MED13L: variants seen among roughly 807,000 people sequenced by gnomAD.
The protein encoded by MED13L is mediator complex subunit 13L.
A neutral mutation model predicts 220.9 loss-of-function variants in MED13L; 7 were observed. The observed-to-expected ratio is 0.03, with a 90% CI of 0.02 to 0.06. The LOEUF is 0.06. MED13L is among the 10% of genes least tolerant of loss of function. MED13L has a pLI of 1.00. For synonymous variants in MED13L, 1,011 were observed against 1,015.2 expected, an observed-to-expected ratio of 1.00 and a Z score of 0.08; for missense variants, 1,965 against 2,760.5, an observed-to-expected ratio of 0.71 and a Z score of 6.46.
At chr12:116,224,150 A>G (rs1387881973) in intron 2 of MED13L, among the ~76,000 whole-genome samples, 1 of 152,162 alleles carries the variant, frequency 6.6e-6, no homozygotes, top group Non-Finnish European at 1.5e-5. Context: ...TCTAAGTCCT[A>G]TTCAAAAACC....
rs115347917 is a variant in MED13L at position 115,963,586 on chromosome 12, C to T, written c.6388-67G>A. 2,180 of 1,195,998 alleles carry T rather than the reference C, an allele frequency of 1.8e-3. 29 individuals are homozygous for T. Among genetic ancestry groups the T allele is most frequent in the African/African-American group, 8.1e-3 (543 of 66,696 alleles). 74.1% of individuals were successfully genotyped at this position (1,195,998 alleles called of 1,614,324 possible). ...ATCACAGTGCAGAAGTGAGGGAGGCCATGTCTGCCAGAAGCAGATGCTCCC... is the reference window on the plus strand; with the variant it reads ...ATCACAGTGCAGAAGTGAGGGAGGCTATGTCTGCCAGAAGCAGATGCTCCC... On this transcript the variant is annotated intron_variant, in intron 29 of 30. Coordinates refer to ENST00000281928, the MANE Select transcript of MED13L (RefSeq NM_015335.5).
intron 3 of MED13L, among the ~76,000 whole-genome samples, chr12:116,098,490 T>C (rs891576214): frequency 3.9e-5 from 6 of 152,212 alleles, no homozygotes; most frequent in African/African-American, 7.2e-5. Context: ...ATTCTGCACA[T>C]GGCTTTTGCC....
In MED13L at chr12:115,997,090, T is replaced by C. The variant is rs918907873; in HGVS notation, c.2710A>G (p.Ser904Gly). ...TCTGTGAGTTGTGTTGAAACCATAC[T>C]GACCATAGGGCTCTCCATCATGCCT... The part of the protein sequence containing the change: ...ALGMMESPMV[S>G]MVSTQLTEFK... Residue 904 changes from serine (S) to glycine (G), a missense_variant, in exon 15 of 31, where the codon AGT (serine) becomes GGT (glycine). Physicochemically the swap from Ser to Gly is moderately conservative, Grantham distance 56. Coordinates refer to ENST00000281928, the MANE Select transcript of MED13L (RefSeq NM_015335.5). 3.1e-6 allele frequency: 5 copies of C among 1,614,176 alleles called. No homozygotes were observed. The highest frequency in any genetic ancestry group is 3.4e-6 in the Non-Finnish European group (4 of 1,180,016).
At chr12:116,086,096 G>A (rs920619285) in intron 4 of MED13L, among the ~76,000 whole-genome samples, 1 of 152,184 alleles carries the variant, frequency 6.6e-6, no homozygotes, top group African/African-American at 2.4e-5. Flanking sequence ...TTCTATTGGA[G>A]AGTGCTTCAC....
intron 3 of MED13L, among the ~76,000 whole-genome samples, chr12:116,110,807 A>T (rs1168218407): frequency 6.6e-6 from 1 of 152,228 alleles, no homozygotes; most frequent in African/African-American, 2.4e-5. Flanking sequence ...TAAAAAGCAT[A>T]ACCTGAATTT....
chr12:116,045,435 T>C (rs1490608966), intron 4 of MED13L, among the ~76,000 whole-genome samples: 1 of 152,174 alleles, frequency 6.6e-6, no homozygotes, highest in Non-Finnish European at 1.5e-5. Context: ...GAGGCTGTAC[T>C]CGGCTTCTAG....
At position 115,970,760 on chromosome 12, in the gene MED13L, T is replaced by G; in HGVS notation, c.5901A>C (p.Thr1967=). The part of the protein sequence containing the change: ...GSFVVMPDAV[T]MGSVFGRSTA... ...TACTTCGGCCAAAAACAGAGCCCATTGTGACAGCATCTTTAAAGAAAAAAA... is the reference window on the plus strand; with the variant it reads ...TACTTCGGCCAAAAACAGAGCCCATGGTGACAGCATCTTTAAAGAAAAAAA... The change falls in exon 27 of 31, where the codon ACA becomes ACC. Residue 1967 remains threonine, a synonymous_variant. Transcript: ENST00000281928. 6.2e-7 allele frequency: 1 copy of G among 1,613,932 alleles called. No homozygotes were observed. The highest frequency in any genetic ancestry group is 8.5e-7 in the Non-Finnish European group (1 of 1,179,902).
chr12:116,271,305 T>C (rs1231629080), intron 1 of MED13L, among the ~76,000 whole-genome samples: 2 of 151,876 alleles, frequency 1.3e-5, no homozygotes, highest in East Asian at 1.9e-4. Flanking sequence ...TTTCTTAAAA[T>C]AGAAATGTTA....
intron 4 of MED13L, among the ~76,000 whole-genome samples, chr12:116,086,305 A>T (rs201891866): frequency 2.0e-3 from 2 of 982 alleles, no homozygotes; most frequent in Admixed American, 0.015. Context: ...TTTTTGAGAC[A>T]AGAGTCTCAT....
intron 2 of MED13L, among the ~76,000 whole-genome samples, chr12:116,125,499 G>T (rs561634564): frequency 3.9e-5 from 6 of 152,156 alleles, no homozygotes; most frequent in African/African-American, 9.7e-5. Context: ...ACACTAATGT[G>T]CACTTAAACA....
intron 2 of MED13L, among the ~76,000 whole-genome samples, chr12:116,199,403 T>A (rs1324520122): frequency 6.6e-6 from 1 of 152,212 alleles, no homozygotes. Context: ...ACTTTATTTT[T>A]ATGTCAAATA....
At chr12:116,079,235 G>T (rs1167731509) in intron 4 of MED13L, among the ~76,000 whole-genome samples, 2 of 151,426 alleles carry the variant, frequency 1.3e-5, no homozygotes, top group South Asian at 2.1e-4. Context: ...GTGGTGGTGG[G>T]TTTTTTTGAG....
chr12:115,992,407 T>C (rs934334958), intron 16 of MED13L, among the ~76,000 whole-genome samples: 1 of 152,140 alleles, frequency 6.6e-6, no homozygotes, highest in Non-Finnish European at 1.5e-5. Flanking sequence ...TCATTTTTTT[T>C]TTGAAATTCA....
At chr12:116,031,866 A>G (rs1203386841) in intron 4 of MED13L, among the ~76,000 whole-genome samples, 3 of 151,742 alleles carry the variant, frequency 2.0e-5, no homozygotes, top group African/African-American at 7.3e-5. Context: ...GATGGATATA[A>G]TTTTCTTGGA....
At chr12:116,091,106 G>A (rs1872158498) in intron 4 of MED13L, among the ~76,000 whole-genome samples, 1 of 124,944 alleles carries the variant, frequency 8.0e-6, no homozygotes, top group African/African-American at 3.2e-5. Context: ...GGGTGACAGA[G>A]CGGAACTCTG....
chr12:116,078,433 G>A (rs1335322584), intron 4 of MED13L, among the ~76,000 whole-genome samples: 1 of 151,994 alleles, frequency 6.6e-6, no homozygotes, highest in Non-Finnish European at 1.5e-5. Context: ...AAAAATAGTG[G>A]TTATGAACCT....
At chr12:116,190,478 A>T (rs530037465) in intron 2 of MED13L, among the ~76,000 whole-genome samples, 2 of 152,324 alleles carry the variant, frequency 1.3e-5, no homozygotes, top group Admixed American at 1.3e-4. Flanking sequence ...TCACTACATC[A>T]AATCTGAATT....
intron 28 of MED13L, among the ~76,000 whole-genome samples, chr12:115,967,712 T>G (rs1016612238): frequency 3.9e-5 from 6 of 152,338 alleles, no homozygotes; most frequent in Admixed American, 3.3e-4. Flanking sequence ...CAATTCAAAG[T>G]TGTCTTTAAC....
intron 12 of MED13L, 132 bp downstream of exon 12, chr12:116,006,174 A>G (rs891681491): frequency 1.6e-6 from 2 of 1,247,004 alleles, no homozygotes; most frequent in Non-Finnish European, 2.3e-6. Context: ...CTGAAAAACA[A>G]ACTATGAAAA....
Sources: allele counts gnomAD v4.1 joint callset (sites outside exome capture counted in the v4.1 genomes callset), GRCh38; gene constraint gnomAD v4.1.1; transcripts MANE v1.5; gene names NCBI Gene and HGNC (gene_info 2026-07-23, HGNC 2026-07-21).